The following BCL11B variants were observed in gnomAD, a reference collection of about 807,000 sequenced individuals.
BCL11B encodes the protein BCL11 transcription factor B, also known as B-cell lymphoma/leukemia 11B.
BCL11B carries 8 observed loss-of-function variants against 49.9 expected under a neutral mutation model. That is an observed-to-expected ratio of 0.16 (90% CI 0.09 to 0.29). The LOEUF (loss-of-function observed/expected upper bound fraction) is 0.29. Among genes scored for constraint, BCL11B ranks in the 10% least tolerant of loss-of-function variants. BCL11B has a pLI of 1.00. For missense variants in BCL11B, 1,006 were observed against 1,351.0 expected, an observed-to-expected ratio of 0.74 and a Z score of 4.00; for synonymous variants, 739 against 637.4, an observed-to-expected ratio of 1.16 and a Z score of -2.40.
In BCL11B at chr14:99,175,091, C is replaced by A. The variant is rs2139756900; in HGVS notation, c.1745G>T (p.Gly582Val). 6.3e-7 allele frequency: 1 copy of A among 1,599,456 alleles called. No homozygotes were observed. The highest frequency in any genetic ancestry group is 1.7e-4 in the Middle Eastern group (1 of 6,040). Residue 582 changes from glycine (G) to valine (V), a missense_variant, in exon 4 of 4, where the codon GGC (glycine) becomes GTC (valine). By Grantham distance (109) the Gly-to-Val change is moderately radical. Transcript: ENST00000357195. ...GVPGVPGAGGGAAKALADEKA... is the reference protein window; with the variant it reads ...GVPGVPGAGGVAAKALADEKA... ...CTCGTCAGCCAGCGCCTTGGCCGCG[C>A]CGCCCCCCGCGCCCGGGACCCCGGG...
At chr14:99,187,745 T>G (rs1206417371) in intron 3 of BCL11B, among the ~76,000 whole-genome samples, 1 of 140,366 alleles carries the variant, frequency 7.1e-6, no homozygotes, top group Non-Finnish European at 1.5e-5. Flanking sequence ...ACACGTGGGA[T>G]CTCAGTCTCC....
chr14:99,174,314 C>T lies in BCL11B; in HGVS notation c.2522G>A (p.Arg841His). The change falls in exon 4 of 4, where the codon CGC becomes CAC. Residue 841 changes from arginine to histidine, a missense_variant. This residue lies in a region of BCL11B where 24 missense variants were observed against 128.4 expected (regional missense o/e 0.19). Coordinates refer to ENST00000357195, the MANE Select transcript of BCL11B (RefSeq NM_138576.4). ...YACAQSSKLT[R>H]HMKTHGQIGK... ...GATCTGCCCGTGCGTCTTCATGTGG[C>T]GCGTGAGCTTGCTGCTCTGCGCGCA... 6.2e-7 allele frequency: 1 copy of T among 1,613,418 alleles called. No individual in the cohort carries two copies. Among genetic ancestry groups the T allele is most frequent in the Non-Finnish European group, 8.5e-7 (1 of 1,179,998 alleles).
In BCL11B at chr14:99,261,805, G is replaced by C. The variant is rs531985549; in HGVS notation, c.59-3966C>G. Among the ~76,000 whole-genome samples, 7 of 152,302 alleles carry C rather than the reference G, an allele frequency of 4.6e-5. No individual in the cohort carries two copies. The East Asian group carries it at 1.2e-3, about 25-fold the overall frequency. ...AATGGATGCAGCAGACAACTTGTTC[G>C]AAAGGCAGATATCAGAGGGCTGAGG... is the stretch of plus-strand genomic sequence containing the variant. On this transcript the variant is annotated intron_variant, in intron 1 of 3. Coordinates refer to ENST00000357195, the MANE Select transcript of BCL11B (RefSeq NM_138576.4).
chr14:99,229,055 G>C lies in BCL11B; in HGVS notation c.640+2290C>G, dbSNP rs200607335. On this transcript the variant is annotated intron_variant, in intron 3 of 3. Coordinates refer to ENST00000357195, the MANE Select transcript of BCL11B (RefSeq NM_138576.4). Reference sequence around the variant, plus strand: ...GGATGGATGGATGCATGGATGGATGGATGGATGGATGGATGGATGGATGGA... The same window carrying C: ...GGATGGATGGATGCATGGATGGATGCATGGATGGATGGATGGATGGATGGA... Among the ~76,000 whole-genome samples, 979 of 122,874 alleles carry C rather than the reference G, an allele frequency of 8.0e-3. 12 individuals are homozygous for C. Among genetic ancestry groups the C allele is most frequent in the African/African-American group, 0.023 (809 of 34,722 alleles). The allele number at this position is 122,874 out of a possible 152,430, so 80.6% of individuals were successfully genotyped here.
intron 2 of BCL11B, among the ~76,000 whole-genome samples, chr14:99,250,017 G>A (rs898905218): frequency 6.6e-6 from 1 of 151,036 alleles, no homozygotes; most frequent in Non-Finnish European, 1.5e-5. Flanking sequence ...TACTCAGGAG[G>A]CTGAGACAGG....
intron 3 of BCL11B, 55 bp from the exon 4 acceptor site, chr14:99,176,250 C>T: frequency 1.3e-6 from 2 of 1,526,696 alleles, no homozygotes. Flanking sequence ...GGCAGCGGGG[C>T]GCGGGCACCG....
intron 3 of BCL11B, among the ~76,000 whole-genome samples, chr14:99,223,917 A>C (rs1405868613): frequency 6.6e-6 from 1 of 152,114 alleles, no homozygotes; most frequent in African/African-American, 2.4e-5. Flanking sequence ...CAGCCAATTG[A>C]TTCATTTTTT....
intron 2 of BCL11B, among the ~76,000 whole-genome samples, chr14:99,254,335 G>A (rs962302221): frequency 6.6e-6 from 1 of 152,180 alleles, no homozygotes; most frequent in Non-Finnish European, 1.5e-5. Flanking sequence ...TGGGGTCCCC[G>A]ACCTAGTGTG....
At chr14:99,253,877 T>C (rs1417897030) in intron 2 of BCL11B, among the ~76,000 whole-genome samples, 2 of 152,200 alleles carry the variant, frequency 1.3e-5, no homozygotes, top group African/African-American at 2.4e-5. Flanking sequence ...GGCAGCGATG[T>C]ATCAGAGGCA....
At chr14:99,217,363 T>C (rs36171032) in intron 3 of BCL11B, among the ~76,000 whole-genome samples, 48,525 of 144,260 alleles carry the variant, frequency 0.34, 9,230 homozygotes, top group Non-Finnish European at 0.44. Flanking sequence ...CTCTCACGAG[T>C]ACAAATATAC....
At chr14:99,234,440 G>C (rs1409731003) in intron 2 of BCL11B, among the ~76,000 whole-genome samples, 2 of 152,124 alleles carry the variant, frequency 1.3e-5, no homozygotes, top group Non-Finnish European at 2.9e-5. Context: ...AGCACTTAAG[G>C]AGCGCTTGAG....
intron 2 of BCL11B, among the ~76,000 whole-genome samples, chr14:99,233,612 C>G (rs1233907997): frequency 6.6e-6 from 1 of 152,116 alleles, no homozygotes; most frequent in Non-Finnish European, 1.5e-5. Context: ...AAGGGTTGTC[C>G]CAGGTGCTAA....
chr14:99,221,342 T>G (rs535516008), intron 3 of BCL11B, among the ~76,000 whole-genome samples: 33 of 152,316 alleles, frequency 2.2e-4, no homozygotes, highest in African/African-American at 6.3e-4. Context: ...TCATTTAAAA[T>G]GTCCAGTTTT....
chr14:99,174,137 C>T lies in BCL11B; in HGVS notation c.*14G>A, dbSNP rs774221911. 1 of 1,607,006 alleles carries T rather than the reference C, an allele frequency of 6.2e-7. No homozygotes were observed. The highest frequency in any genetic ancestry group is 8.5e-7 in the Non-Finnish European group (1 of 1,178,578). ...GTTCCACTGTACAGGTGCGGGGCGC[C>T]GGGGCCCGCGCGCTTAGCTCCTCTC... On this transcript the variant is annotated 3_prime_UTR_variant, in exon 4 of 4. Transcript: ENST00000357195.
At chr14:99,215,456 T>G (rs900823927) in intron 3 of BCL11B, among the ~76,000 whole-genome samples, 1 of 152,210 alleles carries the variant, frequency 6.6e-6, no homozygotes, top group Non-Finnish European at 1.5e-5. Flanking sequence ...GAGAATCGGC[T>G]GGCCGTGAAA....
In BCL11B at chr14:99,175,300, C is replaced by T. The variant is rs1033640599; in HGVS notation, c.1536G>A (p.Ala512=). ...CGTGGTGGCGGAAGTCACCGTCGGC[C>T]GCCTTGAGGCCCTCGCCCGCCAGCT... The part of the protein sequence containing the change: ...TSELAGEGLK[A]ADGDFRHHES... Residue 512 remains alanine, a synonymous_variant, in exon 4 of 4, where the codon GCG becomes GCA. Transcript: ENST00000357195. The T allele has an allele frequency of 1.9e-6, 3 of 1,540,048 alleles. No individual in the cohort carries two copies. Among genetic ancestry groups the T allele is most frequent in the African/African-American group, 1.4e-5 (1 of 73,012 alleles).
chr14:99,236,632 G>A (rs1050157677), intron 2 of BCL11B, among the ~76,000 whole-genome samples: 1 of 152,094 alleles, frequency 6.6e-6, no homozygotes, highest in Non-Finnish European at 1.5e-5. Context: ...GAGAGCTCAG[G>A]CCTCCTGGAG....
Position 99,271,152 on chromosome 14 carries a change from G to A in BCL11B, c.58+9C>T. 1 of 1,552,570 alleles carries A rather than the reference G, an allele frequency of 6.4e-7. No individual in the cohort carries two copies. The highest frequency in any genetic ancestry group is 2.6e-5 in the East Asian group (1 of 38,274). ...TCCGGCCCCTCGCGCGCACTCCGCA[G>A]ACACTTACGGGTGATGAGCTCCCTC... On this transcript the variant is annotated intron_variant, in intron 1 of 3. Transcript: ENST00000357195.
At chr14:99,235,123 G>A (rs1213336799) in intron 2 of BCL11B, among the ~76,000 whole-genome samples, 2 of 152,316 alleles carry the variant, frequency 1.3e-5, no homozygotes, top group African/African-American at 4.8e-5. Context: ...GCCCCATCCG[G>A]GTTTCAGGGG....
Sources: gnomAD v4.1 joint callset for allele counts (sites outside exome capture counted in the v4.1 genomes callset) on GRCh38, gnomAD v4.1.1 for gene constraint, gnomAD v4.1.1 regional missense constraint, MANE v1.5 for transcripts, NCBI Gene and HGNC (gene_info 2026-07-23, HGNC 2026-07-21) for gene names.